The following ZNF704 variants were observed in gnomAD, a reference collection of about 807,000 sequenced individuals.
ZNF704 encodes zinc finger protein 704.
A neutral mutation model predicts 44.7 loss-of-function variants in ZNF704; 10 were observed. The ratio of observed to expected loss-of-function variants is 0.22; its 90% CI spans 0.14 to 0.38. The LOEUF (loss-of-function observed/expected upper bound fraction) is 0.38, where lower values mean the gene tolerates loss of function less well. ZNF704 is among the 10% of genes least tolerant of loss of function. ZNF704 has a pLI of 1.00. For missense variants in ZNF704, 390 were observed against 545.5 expected (o/e 0.71, Z 2.84); for synonymous variants, 211 against 207.6 (o/e 1.02, Z -0.14).
At chr8:80,666,624 CTGT>C (rs1202400919) in intron 5 of ZNF704, among the ~76,000 whole-genome samples, 1 of 152,092 alleles carries the variant, frequency 6.6e-6, no homozygotes, top group African/African-American at 2.4e-5. Context: ...TCTCCAGCAC[CTGT>C]TGTTTCCTGA....
chr8:80,878,385 C>G (rs1383471241), upstream of ZNF704, among the ~76,000 whole-genome samples: 1 of 151,874 alleles, frequency 6.6e-6, no homozygotes, highest in Non-Finnish European at 1.5e-5. Flanking sequence ...AATCATGTTT[C>G]CAAAATCAAG....
intron 2 of ZNF704, among the ~76,000 whole-genome samples, chr8:80,742,993 A>T (rs913161617): frequency 2.0e-5 from 3 of 152,118 alleles, no homozygotes; most frequent in Admixed American, 2.0e-4. Flanking sequence ...AGTAGTAAAG[A>T]GAGCTCACTA....
rs193086562 is a variant in ZNF704 at position 80,684,606 on chromosome 8, T to C, written c.558+2620A>G. On this transcript the variant is annotated intron_variant, in intron 4 of 8. Coordinates refer to ENST00000327835, the MANE Select transcript of ZNF704 (RefSeq NM_001033723.3). ...ACTAGACAGAACATATTGTCTGGTT[T>C]AAGCAAATTAACTCTTAGAAATCTT... Among the ~76,000 whole-genome samples, 5 of 152,354 alleles carry C rather than the reference T, an allele frequency of 3.3e-5. No individual in the cohort carries two copies. The East Asian group carries it at 9.6e-4, about 29-fold the overall frequency.
chr8:80,745,465 T>C (rs2131698332), intron 2 of ZNF704, among the ~76,000 whole-genome samples: 1 of 152,262 alleles, frequency 6.6e-6, no homozygotes, highest in East Asian at 1.9e-4. Flanking sequence ...GAAATTTAAC[T>C]ATGAGGGGGA....
At chr8:80,666,030 T>C (rs1307342503) in intron 5 of ZNF704, among the ~76,000 whole-genome samples, 1 of 152,032 alleles carries the variant, frequency 6.6e-6, no homozygotes, top group Non-Finnish European at 1.5e-5. Flanking sequence ...TAGTTACATA[T>C]GTATACATGT....
intron 4 of ZNF704, among the ~76,000 whole-genome samples, chr8:80,680,868 CG>C (rs1461470361): frequency 6.6e-6 from 1 of 152,160 alleles, no homozygotes; most frequent in African/African-American, 2.4e-5. Context: ...ATACCAAGCA[CG>C]GATGAAACAC....
At position 80,864,725 on chromosome 8, in the gene ZNF704, A is replaced by C. The variant is rs184238191; in HGVS notation, c.-22+9846T>G. Among the ~76,000 whole-genome samples, 13 of 152,336 alleles carry C rather than the reference A, an allele frequency of 8.5e-5. No individual in the cohort carries two copies. In the East Asian group the frequency reaches 2.5e-3, roughly 29 times the overall value. ...CACCAAGCAAGATTACAAGTCTGAG[A>C]CACCAACGCACAGGAGGGTGGGAAG... On this transcript the variant is annotated intron_variant, in intron 1 of 8. Transcript: ENST00000327835.
chr8:80,773,388 A>G (rs1807357641), intron 2 of ZNF704, among the ~76,000 whole-genome samples: 1 of 152,216 alleles, frequency 6.6e-6, no homozygotes, highest in African/African-American at 2.4e-5. Context: ...TGGAGTACAG[A>G]TATCTTATGT....
At chr8:80,709,977 T>G (rs1818959706) in intron 2 of ZNF704, among the ~76,000 whole-genome samples, 2 of 152,188 alleles carry the variant, frequency 1.3e-5, no homozygotes, top group Admixed American at 1.3e-4. Context: ...ATCTCATATC[T>G]TTCAAACAAA....
At chr8:80,715,806 G>A (rs1022539734) in intron 2 of ZNF704, among the ~76,000 whole-genome samples, 1 of 152,136 alleles carries the variant, frequency 6.6e-6, no homozygotes, top group Non-Finnish European at 1.5e-5. Flanking sequence ...TGGGCTGGGC[G>A]CCGTGGCTCA....
chr8:80,652,412 G>A (rs1432187644), intron 7 of ZNF704, among the ~76,000 whole-genome samples: 1 of 151,990 alleles, frequency 6.6e-6, no homozygotes, highest in Non-Finnish European at 1.5e-5. Flanking sequence ...AAAATTGATA[G>A]ACTGCTAGCA....
chr8:80,841,894 C>T (rs949093489), intron 1 of ZNF704, among the ~76,000 whole-genome samples: 6 of 152,150 alleles, frequency 3.9e-5, no homozygotes, highest in South Asian at 2.1e-4. Flanking sequence ...GGCTCAAGAT[C>T]GTCCTGCCTC....
At chr8:80,808,492 ACT>A (rs1425806174) in intron 2 of ZNF704, among the ~76,000 whole-genome samples, 1 of 152,234 alleles carries the variant, frequency 6.6e-6, no homozygotes, top group East Asian at 1.9e-4. Flanking sequence ...ATATGACTAC[ACT>A]GTTTGTTAGG....
At chr8:80,823,470 C>G (rs1808314627) in intron 1 of ZNF704, among the ~76,000 whole-genome samples, 1 of 152,234 alleles carries the variant, frequency 6.6e-6, no homozygotes, top group Non-Finnish European at 1.5e-5. Context: ...AGCCTGCCTG[C>G]CTCTGTAGAC....
intron 7 of ZNF704, among the ~76,000 whole-genome samples, chr8:80,648,938 G>C (rs370529730): frequency 6.6e-6 from 1 of 152,064 alleles, no homozygotes; most frequent in Non-Finnish European, 1.5e-5. Context: ...CTGCCATATC[G>C]TTGATGTAAA....
intron 1 of ZNF704, among the ~76,000 whole-genome samples, chr8:80,852,985 T>C (rs1808896138): frequency 6.6e-6 from 1 of 152,228 alleles, no homozygotes; most frequent in Admixed American, 6.5e-5. Context: ...GCTTGCTTTG[T>C]TTTAAGGTAG....
At chr8:80,685,123 C>T (rs893232534) in intron 4 of ZNF704, among the ~76,000 whole-genome samples, 3 of 150,066 alleles carry the variant, frequency 2.0e-5, no homozygotes, top group African/African-American at 7.4e-5. Context: ...CTGTGCTCAT[C>T]CAATAAAAAT....
chr8:80,745,921 A>T (rs1427740131), intron 2 of ZNF704, among the ~76,000 whole-genome samples: 1 of 152,068 alleles, frequency 6.6e-6, no homozygotes, highest in Non-Finnish European at 1.5e-5. Context: ...CGTCTCAACT[A>T]CTCTTAACTG....
At chr8:80,647,830 G>A (rs1476464281) in intron 7 of ZNF704, among the ~76,000 whole-genome samples, 1 of 152,220 alleles carries the variant, frequency 6.6e-6, no homozygotes, top group African/African-American at 2.4e-5. Flanking sequence ...GGGGAGGCAT[G>A]AGGAACAGGC....
Sources: allele counts gnomAD v4.1 joint callset (sites outside exome capture counted in the v4.1 genomes callset), GRCh38; gene constraint gnomAD v4.1.1; transcripts MANE v1.5; gene names NCBI Gene and HGNC (gene_info 2026-07-23, HGNC 2026-07-21).